Variants in RYR1 observed in about 807,000 individuals in gnomAD.
RYR1 encodes the protein ryanodine receptor 1, also known as central core disease of muscle.
Under a neutral mutation model 583.5 loss-of-function variants are expected in RYR1, and 342 were observed. The ratio of observed to expected loss-of-function variants is 0.59; its 90% CI spans 0.54 to 0.64. The LOEUF (loss-of-function observed/expected upper bound fraction) is 0.64. Among genes scored for constraint, RYR1 ranks in the 30% least tolerant of loss-of-function variants. The pLI, the probability that RYR1 is intolerant of heterozygous loss-of-function variation, is 0.00. For missense variants in RYR1, 6,032 were observed against 6,917.2 expected (o/e 0.87, Z 4.54); for synonymous variants, 2,791 against 2,822.5 (o/e 0.99, Z 0.35).
Position 38,500,057 on chromosome 19 carries a change from G to C in RYR1, c.7323+41G>C. 1 of 1,581,570 alleles carries C rather than the reference G, an allele frequency of 6.3e-7. No homozygotes were observed. Among genetic ancestry groups the C allele is most frequent in the Admixed American group, 1.7e-5 (1 of 59,858 alleles). On this transcript the variant is annotated intron_variant, in intron 45 of 105. Coordinates refer to ENST00000359596, the MANE Select transcript of RYR1 (RefSeq NM_000540.3). The surrounding 1 kb of genome is among the most constrained non-coding windows in gnomAD (Gnocchi z 5.9). ...AGGGCAGGATGGGAAGGGAGGGCAGGCACAGCCGCTTTGAACGCCTCATGC... is the reference window on the plus strand; with the variant it reads ...AGGGCAGGATGGGAAGGGAGGGCAGCCACAGCCGCTTTGAACGCCTCATGC...
rs2304145 is a variant in RYR1, at chr19:38,440,938, G to C, written c.165+74G>C. The C allele has an allele frequency of 6.8e-3, 10,392 of 1,526,286 alleles. 183 individuals are homozygous for C. The East Asian group carries it at 0.08, about 12-fold the overall frequency. The allele number at this position is 1,526,286 out of a possible 1,614,324, so 94.5% of individuals were successfully genotyped here. A position where few individuals can be genotyped will look rare whatever the true frequency, so the allele number is the denominator to read the frequency against. On this transcript the variant is annotated intron_variant, in intron 2 of 105. Coordinates refer to ENST00000359596, the MANE Select transcript of RYR1 (RefSeq NM_000540.3). ...CAGAGAATCTTGGGTCCAAAGAAGAGGGTTCTGGGAGTCTGAAAGGAGGTG... is the reference window on the plus strand; with the variant it reads ...CAGAGAATCTTGGGTCCAAAGAAGACGGTTCTGGGAGTCTGAAAGGAGGTG...
At position 38,516,138 on chromosome 19, in the gene RYR1, G is replaced by A. The variant is rs754842988; in HGVS notation, c.9606G>A (p.Pro3202=). 28 of 1,551,970 alleles carry A rather than the reference G, an allele frequency of 1.8e-5. No individual in the cohort carries two copies. The highest frequency in any genetic ancestry group is 1.2e-4 in the East Asian group (5 of 41,128). The change falls in exon 65 of 106, where the codon CCG becomes CCA. Residue 3202 remains proline, a synonymous_variant. Coordinates refer to ENST00000359596, the MANE Select transcript of RYR1 (RefSeq NM_000540.3). The part of the protein sequence containing the change: ...ECLARLAAAM[P]VAFLEPQLNE... ...TGGCCCGTCTGGCAGCAGCCATGCC[G>A]GTGGCGTTCCTGGAGCCGCAGCTGA... is the stretch of plus-strand genomic sequence containing the variant.
At chr19:38,557,825 C>T (rs985087152) in intron 89 of RYR1, among the ~76,000 whole-genome samples, 1 of 151,330 alleles carries the variant, frequency 6.6e-6, no homozygotes, top group East Asian at 1.9e-4. Context: ...AATAAAAATA[C>T]AAAAATTAGC....
chr19:38,587,098 C>T (rs1488785144), intron 105 of RYR1, among the ~76,000 whole-genome samples: 1 of 152,012 alleles, frequency 6.6e-6, no homozygotes, highest in Middle Eastern at 3.2e-3. Flanking sequence ...GAGACCCTTT[C>T]TCTATTAAAA....
chr19:38,483,621 T>G lies in RYR1; in HGVS notation c.4934+105T>G, dbSNP rs1969129326. On this transcript the variant is annotated intron_variant, in intron 33 of 105. Coordinates refer to ENST00000359596, the MANE Select transcript of RYR1 (RefSeq NM_000540.3). This position sits in a 1 kb window ranked among gnomAD's most constrained non-coding sequence, Gnocchi z 6.3. ...TCAACACAACCCCGGGATTCCAGAC[T>G]ACACCCCAGGAATCTCCAGACCTAC... The G allele has an allele frequency of 2.9e-6, 3 of 1,022,580 alleles. No individual in the cohort carries two copies. The highest frequency in any genetic ancestry group is 4.4e-6 in the Non-Finnish European group (3 of 688,346). The allele number at this position is 1,022,580 out of a possible 1,614,324, so 63.3% of individuals were successfully genotyped here.
At position 38,440,951 on chromosome 19, in the gene RYR1, C is replaced by G. The variant is rs1256869601; in HGVS notation, c.165+87C>G. 1.9e-5 allele frequency: 26 copies of G among 1,399,934 alleles called. 1 individual carries two copies. Among genetic ancestry groups the G allele is most frequent in the Middle Eastern group, 3.8e-4 (2 of 5,282 alleles). 86.7% of individuals were successfully genotyped at this position (1,399,934 alleles called of 1,614,324 possible). On this transcript the variant is annotated intron_variant, in intron 2 of 105. Coordinates refer to ENST00000359596, the MANE Select transcript of RYR1 (RefSeq NM_000540.3). ...GTCCAAAGAAGAGGGTTCTGGGAGT[C>G]TGAAAGGAGGTGCTGACAGGAGAGA...
At position 38,463,479 on chromosome 19, in the gene RYR1, C is replaced by T. The variant is rs202233201; in HGVS notation, c.2634C>T (p.His878=). 6.4e-5 allele frequency: 104 copies of T among 1,613,792 alleles called. 1 individual carries two copies. The African/African-American group carries it at 9.6e-4, about 15-fold the overall frequency. The change falls in exon 21 of 106, where the codon CAC becomes CAT. Residue 878 remains histidine, a synonymous_variant. Coordinates refer to ENST00000359596, the MANE Select transcript of RYR1 (RefSeq NM_000540.3). ...RIREKLAENI[H]ELWALTRIEQ... is the part of the protein sequence containing the mutation. ...GGGAGAAGCTGGCGGAGAACATCCA[C>T]GAGCTCTGGGCGCTAACCCGCATCG...
rs1568536023 is a variant in RYR1, at chr19:38,523,937, C to T, written c.10455+8C>T. On this transcript the variant is annotated splice_region_variant and intron_variant, in intron 70 of 105. Transcript: ENST00000359596. ...CAGGCGGGAGATATACAGGTCAGCC[C>T]CACATCTGGGACCTTCCGCATGTCT... The T allele has an allele frequency of 6.2e-7, 1 of 1,613,828 alleles. No homozygotes were observed. Among genetic ancestry groups the T allele is most frequent in the Non-Finnish European group, 8.5e-7 (1 of 1,179,946 alleles).
intron 102 of RYR1, 142 bp from the exon 103 acceptor site, chr19:38,585,796 T>A: frequency 3.8e-6 from 4 of 1,041,142 alleles, no homozygotes; most frequent in Non-Finnish European, 4.4e-6. Context: ...AAAGGCCTAA[T>A]ACTATCTTCT....
intron 37 of RYR1, 140 bp downstream of exon 37, chr19:38,490,872 G>A: frequency 2.8e-6 from 2 of 706,620 alleles, no homozygotes; most frequent in East Asian, 5.4e-5. Context: ...ATGAGTGAGT[G>A]AATGAATGTG....
At chr19:38,460,941 C>T (rs1262363641) in intron 20 of RYR1, among the ~76,000 whole-genome samples, 4 of 152,218 alleles carry the variant, frequency 2.6e-5, no homozygotes, top group East Asian at 3.9e-4. Flanking sequence ...GCTGAGGTCA[C>T]GCCATTGTAC....
rs1313754695 is a variant in RYR1 at position 38,460,854 on chromosome 19, G to A, written c.2577+263G>A. 2.6e-5 allele frequency among the ~76,000 whole-genome samples: 4 copies of A among 152,252 alleles called. No homozygotes were observed. In the East Asian group the frequency reaches 5.8e-4, roughly 22 times the overall value. ...CAAAAAGTTAGCTGGGTGTGGTGGCGGGCGCCTATAATCCCAGCTACTCGG... is the reference window on the plus strand; with the variant it reads ...CAAAAAGTTAGCTGGGTGTGGTGGCAGGCGCCTATAATCCCAGCTACTCGG... On this transcript the variant is annotated intron_variant, in intron 20 of 105. Coordinates refer to ENST00000359596, the MANE Select transcript of RYR1 (RefSeq NM_000540.3).
In RYR1 at chr19:38,512,488, G is replaced by C. The variant is rs745799856; in HGVS notation, c.9472+5G>C. 6.2e-7 allele frequency: 1 copy of C among 1,609,020 alleles called. No homozygotes were observed. Among genetic ancestry groups the C allele is most frequent in the Non-Finnish European group, 8.5e-7 (1 of 1,179,966 alleles). ...AGTTCGGAGATGACGTCATCCGTAAGGGCGCCTGACCCAAGGGCAGGTTGC... is the reference window on the plus strand; with the variant it reads ...AGTTCGGAGATGACGTCATCCGTAACGGCGCCTGACCCAAGGGCAGGTTGC... On this transcript the variant is annotated splice_donor_5th_base_variant and intron_variant, in intron 63 of 105. Transcript: ENST00000359596. The surrounding 1 kb of genome is among the most constrained non-coding windows in gnomAD (Gnocchi z 5.1).
chr19:38,522,712 G>C (rs1026098816), intron 67 of RYR1, among the ~76,000 whole-genome samples: 5 of 152,074 alleles, frequency 3.3e-5, no homozygotes, highest in African/African-American at 1.2e-4. Flanking sequence ...CACTTTGGGA[G>C]GCCGAGGTGG....
chr19:38,444,670 C>T lies in RYR1; in HGVS notation c.624C>T (p.Cys208=), dbSNP rs746914281. 23 of 1,612,790 alleles carry T rather than the reference C, an allele frequency of 1.4e-5. No homozygotes were observed. The South Asian group carries it at 2.1e-4, about 15-fold the overall frequency. Reference sequence around the variant, plus strand: ...ACATGAACCCCATCTGCTCCCGCTGCGAAGAGGGTGAGGGCCCCAGACCTC... The same window carrying T: ...ACATGAACCCCATCTGCTCCCGCTGTGAAGAGGGTGAGGGCCCCAGACCTC... ...LWNMNPICSR[C]EEGFVTGGHV... is the part of the protein sequence containing the mutation. Residue 208 remains cysteine (C), a synonymous_variant, in exon 7 of 106, where the codon TGC becomes TGT. Transcript: ENST00000359596. This position sits in a 1 kb window ranked among gnomAD's most constrained non-coding sequence, Gnocchi z 5.1.
chr19:38,500,618 G>A lies in RYR1; in HGVS notation c.7336G>A (p.Gly2446Ser), dbSNP rs375148516. The change falls in exon 46 of 106, where the codon GGC becomes AGC. Residue 2446 changes from glycine to serine, a missense_variant. Gly to Ser is a moderately conservative substitution (Grantham distance 56). This residue lies in a region of RYR1 where 2,627 missense variants were observed against 2,961.3 expected (regional missense o/e 0.89). Transcript: ENST00000359596. This position sits in a 1 kb window ranked among gnomAD's most constrained non-coding sequence, Gnocchi z 5.9. ...CAPEMHLIQA[G>S]KGEALRIRAI... is the part of the protein sequence containing the mutation. Reference sequence around the variant, plus strand: ...CTCTACTCCCCAGCTAATCCAAGCCGGCAAGGGTGAGGCCCTGCGGATCCG... The same window carrying A: ...CTCTACTCCCCAGCTAATCCAAGCCAGCAAGGGTGAGGCCCTGCGGATCCG... The A allele has an allele frequency of 4.4e-5, 71 of 1,612,844 alleles. 1 individual carries two copies. Among genetic ancestry groups the A allele is most frequent in the South Asian group, 2.1e-4 (19 of 91,034 alleles).
Position 38,528,418 on chromosome 19 carries a change from C to T in RYR1, c.10937C>T (p.Thr3646Met), listed in dbSNP as rs1469346941. 6.2e-7 allele frequency: 1 copy of T among 1,613,822 alleles called. No individual in the cohort carries two copies. The highest frequency in any genetic ancestry group is 2.2e-5 in the East Asian group (1 of 44,882). ...ATGACGCCCCTGTACAACCTGCCCACGTAAGGCCCCCAGGGACAAGGGAAG... is the reference window on the plus strand; with the variant it reads ...ATGACGCCCCTGTACAACCTGCCCATGTAAGGCCCCCAGGGACAAGGGAAG... ...FRMTPLYNLPTHRACNMFLES... is the reference protein window; with the variant it reads ...FRMTPLYNLPMHRACNMFLES... The change falls in exon 74 of 106, where the codon ACG (threonine) becomes ATG (methionine). Residue 3646 changes from threonine to methionine, a missense_variant and splice_region_variant. Around this residue, in one of 11 missense-constraint regions of RYR1, gnomAD observed 1,493 missense variants for 1,715.5 expected, o/e 0.87. Coordinates refer to ENST00000359596, the MANE Select transcript of RYR1 (RefSeq NM_000540.3).
At chr19:38,548,105 A>T (rs1972509581) in intron 88 of RYR1, 128 bp from the exon 89 acceptor site, 1 of 986,162 alleles carries the variant, frequency 1.0e-6, no homozygotes, top group Non-Finnish European at 1.6e-6. Context: ...GGACCTGTGG[A>T]GGGGAGGCTG....
chr19:38,526,770 G>A (rs907173532), intron 71 of RYR1, among the ~76,000 whole-genome samples: 3 of 151,878 alleles, frequency 2.0e-5, no homozygotes, highest in Admixed American at 6.6e-5. Context: ...GAGGCCCCTC[G>A]AATCCTTACT....
Sources: gnomAD v4.1 joint callset for allele counts (sites outside exome capture counted in the v4.1 genomes callset) on GRCh38, gnomAD v4.1.1 for gene constraint, gnomAD v4.1.1 regional missense constraint, Gnocchi (gnomAD v3.1) non-coding constraint, MANE v1.5 for transcripts, NCBI Gene and HGNC (gene_info 2026-07-23, HGNC 2026-07-21) for gene names.